AP2A2: variants seen among roughly 807,000 people sequenced by gnomAD.
AP2A2 encodes the protein AP-2 complex subunit alpha-2.
In AP2A2, 32 loss-of-function variants were observed where a neutral mutation model predicts 104.2. The observed-to-expected ratio is 0.31, with a 90% CI of 0.23 to 0.41. The LOEUF is 0.41. Ranked by LOEUF, AP2A2 falls within the 10% of genes least tolerant of loss-of-function variation. The pLI is 1.00. For missense variants in AP2A2, 912 were observed against 1,261.0 expected (o/e 0.72, Z 4.19); for synonymous variants, 539 against 533.3 (o/e 1.01, Z -0.15).
chr11:989,434 C>T (rs141336866), intron 10 of AP2A2, among the ~76,000 whole-genome samples: 1 of 152,284 alleles, frequency 6.6e-6, no homozygotes, highest in African/African-American at 2.4e-5. Context: ...AGGCTCCAGC[C>T]GTCTGCGCTG....
intron 1 of AP2A2, among the ~76,000 whole-genome samples, chr11:931,620 C>T (rs1219995757): frequency 6.6e-6 from 1 of 152,236 alleles, no homozygotes; most frequent in Non-Finnish European, 1.5e-5. Flanking sequence ...TCTTTAACCC[C>T]CCCAGGTCCT....
At chr11:969,747 T>G (rs1471983217) in intron 2 of AP2A2, among the ~76,000 whole-genome samples, 1 of 152,176 alleles carries the variant, frequency 6.6e-6, no homozygotes. Flanking sequence ...TAATTTAGAC[T>G]GTGTTCATAT....
chr11:947,570 C>T (rs557241138), intron 1 of AP2A2, among the ~76,000 whole-genome samples: 17 of 151,784 alleles, frequency 1.1e-4, no homozygotes, highest in East Asian at 3.9e-4. Context: ...CCGAGGTGGG[C>T]GGATCACTTG....
chr11:948,731 G>A (rs117622660), intron 1 of AP2A2, among the ~76,000 whole-genome samples: 10,431 of 152,204 alleles, frequency 0.069, 436 homozygotes, highest in South Asian at 0.11. Context: ...CCCAAGTGTG[G>A]TGGTGCACAC....
chr11:995,809 G>C (rs1855838974), intron 14 of AP2A2, among the ~76,000 whole-genome samples: 1 of 12,634 alleles, frequency 7.9e-5, no homozygotes, highest in East Asian at 1.5e-3. Flanking sequence ...CCCTCTCTCT[G>C]TGTTGTTTGT....
Position 968,597 on chromosome 11 carries a change from G to T in AP2A2, c.137-1572G>T, listed in dbSNP as rs1297104577. ...AGGTCAAGCAGTATTTTTGGCTGTG[G>T]TTGTCCAAGGCGGCTTCCAGCGGGT... On this transcript the variant is annotated intron_variant, in intron 2 of 21. Coordinates refer to ENST00000448903, the MANE Select transcript of AP2A2 (RefSeq NM_012305.4). The surrounding 1 kb of genome is among the most constrained non-coding windows in gnomAD (Gnocchi z 4.2). Among the ~76,000 whole-genome samples, 1 of 152,170 alleles carries T rather than the reference G, an allele frequency of 6.6e-6. No individual in the cohort carries two copies. The highest frequency in any genetic ancestry group is 1.5e-5 in the Non-Finnish European group (1 of 68,030).
chr11:965,836 T>A (rs916910508), intron 2 of AP2A2, among the ~76,000 whole-genome samples: 2 of 152,164 alleles, frequency 1.3e-5, no homozygotes, highest in African/African-American at 2.4e-5. Context: ...TACAGAGACA[T>A]GGTAGTTTCT....
intron 1 of AP2A2, among the ~76,000 whole-genome samples, chr11:933,269 AAAAC>A (rs137856437): frequency 0.028 from 4,257 of 152,262 alleles, 196 homozygotes; most frequent in African/African-American, 0.095. Flanking sequence ...CTCCGTCTCA[AAAAC>A]AAACAAACAA....
At chr11:1,003,906 T>G (rs573831245) in intron 16 of AP2A2, 102 bp downstream of exon 16, 1 of 746,082 alleles carries the variant, frequency 1.3e-6, no homozygotes, top group African/African-American at 1.8e-5. Flanking sequence ...ATATCCAGAA[T>G]ATAAAAAGAA....
At position 1,011,839 on chromosome 11, in the gene AP2A2, A is replaced by G. The variant is rs1208856256; in HGVS notation, c.*1214A>G. 2 of 275,732 alleles carry G rather than the reference A, an allele frequency of 7.3e-6. No homozygotes were observed. Among genetic ancestry groups the G allele is most frequent in the Non-Finnish European group, 1.4e-5 (2 of 139,338 alleles). 17.1% of individuals were successfully genotyped at this position (275,732 alleles called of 1,614,324 possible). The stretch of plus-strand genomic sequence containing the variant: ...AGCTGCAGGGGCTCATGGACCCATC[A>G]GGGTCTCCACAGCTCCCCTGCAGTG... On this transcript the variant is annotated 3_prime_UTR_variant, in exon 22 of 22. Transcript: ENST00000448903.
At chr11:1,005,307 A>G (rs942900804) in intron 16 of AP2A2, among the ~76,000 whole-genome samples, 1 of 152,214 alleles carries the variant, frequency 6.6e-6, no homozygotes, top group African/African-American at 2.4e-5. Context: ...TAGAGACAGA[A>G]CGTAGCTGGG....
intron 6 of AP2A2, among the ~76,000 whole-genome samples, chr11:983,680 G>C (rs1211736370): frequency 6.6e-6 from 1 of 152,208 alleles, no homozygotes; most frequent in South Asian, 2.1e-4. Context: ...ACCGCACCTG[G>C]CCTAGTCTCT....
chr11:925,912 C>A lies in AP2A2; in HGVS notation c.-110C>A, dbSNP rs1853101760. The stretch of plus-strand genomic sequence containing the variant: ...CCCTGAGGCGGCCGTGGTTAGGCGG[C>A]TCCCCGGCGGCTCCTCCGCGGCGGT... On this transcript the variant is annotated 5_prime_UTR_variant, in exon 1 of 22. Coordinates refer to ENST00000448903, the MANE Select transcript of AP2A2 (RefSeq NM_012305.4). 1 of 819,300 alleles carries A rather than the reference C, an allele frequency of 1.2e-6. No homozygotes were observed. The highest frequency in any genetic ancestry group is 1.7e-6 in the Non-Finnish European group (1 of 595,414). 50.8% of individuals were successfully genotyped at this position (819,300 alleles called of 1,614,324 possible).
At chr11:1,000,175 T>C (rs1367545533) in intron 14 of AP2A2, among the ~76,000 whole-genome samples, 1 of 152,074 alleles carries the variant, frequency 6.6e-6, no homozygotes, top group African/African-American at 2.4e-5. Flanking sequence ...TGTGAAAAAA[T>C]GTAGGGTGCC....
At chr11:954,446 GTA>G (rs1564790987) in intron 1 of AP2A2, among the ~76,000 whole-genome samples, 1 of 151,724 alleles carries the variant, frequency 6.6e-6, no homozygotes, top group Non-Finnish European at 1.5e-5. Flanking sequence ...GTGTATGTAT[GTA>G]TATGTGTATA....
At chr11:988,963 CTA>C in intron 10 of AP2A2, 1 of 479,822 alleles carries the variant, frequency 2.1e-6, no homozygotes, top group Non-Finnish European at 3.8e-6. Flanking sequence ...TCACTGCACT[CTA>C]GCCTGGGCAA....
At chr11:965,354 C>T (rs948565748) in intron 2 of AP2A2, among the ~76,000 whole-genome samples, 3 of 152,184 alleles carry the variant, frequency 2.0e-5, no homozygotes, top group Admixed American at 6.5e-5. Context: ...GTGGTTATGT[C>T]TGTCTGTGGA....
intron 2 of AP2A2, among the ~76,000 whole-genome samples, chr11:967,190 G>A (rs1229045609): frequency 2.0e-5 from 3 of 151,972 alleles, no homozygotes; most frequent in African/African-American, 7.2e-5. Context: ...AAATAACCAA[G>A]CAGGTTTCAG....
Position 943,837 on chromosome 11 carries a change from C to T in AP2A2, c.68-15600C>T, listed in dbSNP as rs569328450. On this transcript the variant is annotated intron_variant, in intron 1 of 21. Transcript: ENST00000448903. ...GATGGCGAGAATAGGAGAGTCCGAC[C>T]GGAGATGCAGGTGGCAGCGGAGATG... Among the ~76,000 whole-genome samples the T allele has an allele frequency of 3.1e-4, 44 of 140,776 alleles. No individual in the cohort carries two copies. The South Asian group carries it at 0.01, about 33-fold the overall frequency. The allele number at this position is 140,776 out of a possible 152,430, so 92.4% of individuals were successfully genotyped here.
Sources: allele counts gnomAD v4.1 joint callset (sites outside exome capture counted in the v4.1 genomes callset), GRCh38; gene constraint gnomAD v4.1.1; non-coding constraint Gnocchi (gnomAD v3.1); transcripts MANE v1.5; gene names NCBI Gene and HGNC (gene_info 2026-07-23, HGNC 2026-07-21).